INA: variants seen among roughly 807,000 people sequenced by gnomAD.
INA encodes internexin neuronal intermediate filament protein alpha.
A neutral mutation model predicts 40.1 loss-of-function variants in INA; 35 were observed. The observed-to-expected ratio is 0.87, with a 90% CI of 0.67 to 1.16. INA has a LOEUF of 1.16. INA is among the 50% of genes most tolerant of loss of function. The pLI is 0.00. For synonymous variants in INA, 290 were observed against 316.9 expected, an observed-to-expected ratio of 0.92 and a Z score of 0.90; for missense variants, 594 against 686.7, an observed-to-expected ratio of 0.87 and a Z score of 1.51.
chr10:103,278,048 C>T lies in INA; in HGVS notation c.837C>T (p.Asn279=). The change falls in exon 1 of 3, where the codon AAC becomes AAT. Residue 279 remains asparagine (N), a synonymous_variant. Coordinates refer to ENST00000369849, the MANE Select transcript of INA (RefSeq NM_032727.4). The surrounding 1 kb of genome is among the most constrained non-coding windows in gnomAD (Gnocchi z 4.9). Reference sequence around the variant, plus strand: ...AGTATGAGTCCCTGGCCGCTAAGAACCTGCAGTCCGCGGAAGAATGGTACA... The same window carrying T: ...AGTATGAGTCCCTGGCCGCTAAGAATCTGCAGTCCGCGGAAGAATGGTACA... The part of the protein sequence containing the change: ...RAQYESLAAK[N]LQSAEEWYKS... 1 of 1,613,510 alleles carries T rather than the reference C, an allele frequency of 6.2e-7. No individual in the cohort carries two copies. The highest frequency in any genetic ancestry group is 1.1e-5 in the South Asian group (1 of 91,030).
Position 103,288,356 on chromosome 10 carries a change from AC to A in INA, c.1191-3del, listed in dbSNP as rs1213557173. Reference sequence around the variant, plus strand: ...CTAAGAGTTTTTCTCTGTTGAATTTACAGGAAACTGCTGGAAGGCGAGGAGA... The same window carrying A: ...CTAAGAGTTTTTCTCTGTTGAATTTAAGGAAACTGCTGGAAGGCGAGGAGA... On this transcript the variant is annotated splice_polypyrimidine_tract_variant and splice_region_variant and intron_variant, in intron 2 of 2. Coordinates refer to ENST00000369849, the MANE Select transcript of INA (RefSeq NM_032727.4). 2.5e-6 allele frequency: 4 copies of A among 1,587,852 alleles called. No individual in the cohort carries two copies. The Admixed American group carries it at 7.7e-5, about 31-fold the overall frequency.
Position 103,288,767 on chromosome 10 carries a change from A to C in INA, c.*98A>C. 1.3e-6 allele frequency: 1 copy of C among 753,004 alleles called. No homozygotes were observed. 46.6% of individuals were successfully genotyped at this position (753,004 alleles called of 1,614,324 possible). A position where few individuals can be genotyped will look rare whatever the true frequency, so the allele number is the denominator to read the frequency against. Reference sequence around the variant, plus strand: ...GAACTATAACACCTGCCACCACTATAAAATGTCTTCAAGGCTTCAGTCTCA... The same window carrying C: ...GAACTATAACACCTGCCACCACTATCAAATGTCTTCAAGGCTTCAGTCTCA... On this transcript the variant is annotated 3_prime_UTR_variant, in exon 3 of 3. Transcript: ENST00000369849.
At position 103,288,373 on chromosome 10, in the gene INA, G is replaced by A; in HGVS notation, c.1204G>A (p.Gly402Ser). 1 of 1,598,424 alleles carries A rather than the reference G, an allele frequency of 6.3e-7. No individual in the cohort carries two copies. The highest frequency in any genetic ancestry group is 8.5e-7 in the Non-Finnish European group (1 of 1,175,350). The change falls in exon 3 of 3, where the codon GGC (glycine) becomes AGC (serine). Residue 402 changes from glycine to serine, a missense_variant. Gly to Ser is a moderately conservative substitution (Grantham distance 56). This residue lies in a region of INA where 379 missense variants were observed against 496.1 expected (regional missense o/e 0.76). Coordinates refer to ENST00000369849, the MANE Select transcript of INA (RefSeq NM_032727.4). ...EIAAYRKLLE[G>S]EETRFSTSGL... ...TTGAATTTACAGGAAACTGCTGGAA[G>A]GCGAGGAGACACGTTTTAGCACCAG...
Position 103,277,778 on chromosome 10 carries a change from CGAAGGCGCCGAGCGCGCCCT to C in INA, c.576_595del (p.Glu193AlafsTer59), listed in dbSNP as rs2093063367. On this transcript the variant is annotated frameshift_variant, in exon 1 of 3. Coordinates refer to ENST00000369849, the MANE Select transcript of INA (RefSeq NM_032727.4). LOFTEE classifies it high-confidence loss of function. This position sits in a 1 kb window ranked among gnomAD's most constrained non-coding sequence, Gnocchi z 5.6. ...GCTGCGAGGAGGAGAGCCGCGGACG[CGAAGGCGCCGAGCGCGCCCT>C]GAAGGCGCAGCAGCGCGACGTGGAC... 4.0e-6 allele frequency: 6 copies of C among 1,496,378 alleles called. No individual in the cohort carries two copies. In the Admixed American group the frequency reaches 6.7e-5, roughly 17 times the overall value. 92.7% of individuals were successfully genotyped at this position (1,496,378 alleles called of 1,614,324 possible).
chr10:103,282,275 A>C (rs2093074451), intron 1 of INA, among the ~76,000 whole-genome samples: 1 of 152,246 alleles, frequency 6.6e-6, no homozygotes, highest in Admixed American at 6.5e-5. Context: ...GCTGTGAAAC[A>C]AAAATAATGT....
At chr10:103,284,854 T>C (rs1472992629) in intron 1 of INA, among the ~76,000 whole-genome samples, 2 of 152,108 alleles carry the variant, frequency 1.3e-5, no homozygotes, top group Non-Finnish European at 2.9e-5. Flanking sequence ...TTGCACAAGG[T>C]TCCTGCATGG....
chr10:103,281,400 A>G (rs777724812), intron 1 of INA, among the ~76,000 whole-genome samples: 6 of 152,214 alleles, frequency 3.9e-5, no homozygotes, highest in Non-Finnish European at 7.3e-5. Context: ...TCAGCAGTTC[A>G]CAGGTAGGGC....
In INA at chr10:103,288,527, A is replaced by AGGG. The variant is rs2093092216; in HGVS notation, c.1360_1361insGGG (p.Glu453_Glu454insGly). The AGGG allele has an allele frequency of 6.2e-7, 1 of 1,614,070 alleles. No individual in the cohort carries two copies. Among genetic ancestry groups the AGGG allele is most frequent in the African/African-American group, 1.3e-5 (1 of 75,014 alleles). On this transcript the variant is annotated inframe_insertion, in exon 3 of 3. Transcript: ENST00000369849. ...TCACTTAAGAAAGAGGAGGAGGAGG[A>AGGG]GGAGGCATCTAAGGTAGCCTCTAAG...
chr10:103,284,926 A>C (rs2093081912), intron 1 of INA, among the ~76,000 whole-genome samples: 1 of 152,086 alleles, frequency 6.6e-6, no homozygotes, highest in South Asian at 2.1e-4. Flanking sequence ...ATGGATACTT[A>C]AATTGGATGC....
At position 103,277,139 on chromosome 10, in the gene INA, C is replaced by T. The variant is rs1007881360; in HGVS notation, c.-73C>T. ...AAGCCGGGCGCACCGCCCCGCCGCG[C>T]CCTGCCTGCCGCACCTCTCCTTTCT... On this transcript the variant is annotated 5_prime_UTR_variant, in exon 1 of 3. Transcript: ENST00000369849. This position sits in a 1 kb window ranked among gnomAD's most constrained non-coding sequence, Gnocchi z 5.6. The T allele has an allele frequency of 8.3e-5, 121 of 1,464,060 alleles. No homozygotes were observed. The highest frequency in any genetic ancestry group is 1.1e-4 in the Non-Finnish European group (117 of 1,114,118). The allele number at this position is 1,464,060 out of a possible 1,614,324, so 90.7% of individuals were successfully genotyped here.
At chr10:103,280,076 TAAG>T in intron 1 of INA, 1 of 1,231,492 alleles carries the variant, frequency 8.1e-7, no homozygotes, top group Non-Finnish European at 1.0e-6. Context: ...CCATACATTC[TAAG>T]AAGTAGTGAC....
rs756381731 is a variant in INA at position 103,278,190 on chromosome 10, G to T, written c.979G>T (p.Glu327Ter). 1 of 1,608,436 alleles carries T rather than the reference G, an allele frequency of 6.2e-7. No homozygotes were observed. Among genetic ancestry groups the T allele is most frequent in the Admixed American group, 1.7e-5 (1 of 59,208 alleles). ...GCTGCAGGCGCGCACCATCGAGATCGAGGGCCTGCGCGGGGCCAACGAGTC... is the reference window on the plus strand; with the variant it reads ...GCTGCAGGCGCGCACCATCGAGATCTAGGGCCTGCGCGGGGCCAACGAGTC... Reference protein sequence around the residue: ...RQLQARTIEIEGLRGANESLE... With the variant: ...RQLQARTIEI The change falls in exon 1 of 3, where the codon GAG (glutamate) becomes TAG (stop). Residue 327 changes from glutamate to a stop codon, truncating the protein, a stop_gained. Transcript: ENST00000369849. LOFTEE classifies it high-confidence loss of function. The surrounding 1 kb of genome is among the most constrained non-coding windows in gnomAD (Gnocchi z 4.9).
In INA at chr10:103,277,781, A is replaced by C; in HGVS notation, c.570A>C (p.Glu190Asp). ...GCGAGGAGGAGAGCCGCGGACGCGA[A>C]GGCGCCGAGCGCGCCCTGAAGGCGC... ...ARCEEESRGR[E>D]GAERALKAQQ... The change falls in exon 1 of 3, where the codon GAA (glutamate) becomes GAC (aspartate). Residue 190 changes from glutamate (E) to aspartate (D), a missense_variant. Transcript: ENST00000369849. The surrounding 1 kb of genome is among the most constrained non-coding windows in gnomAD (Gnocchi z 5.6). The C allele has an allele frequency of 6.7e-7, 1 of 1,498,410 alleles. No individual in the cohort carries two copies. Among genetic ancestry groups the C allele is most frequent in the Non-Finnish European group, 8.8e-7 (1 of 1,132,478 alleles). The allele number at this position is 1,498,410 out of a possible 1,614,324, so 92.8% of individuals were successfully genotyped here.
chr10:103,287,909 A>G (rs528110770), intron 2 of INA, among the ~76,000 whole-genome samples: 4 of 152,256 alleles, frequency 2.6e-5, no homozygotes, highest in South Asian at 2.1e-4. Flanking sequence ...ACCCGTATAC[A>G]CTGAAAAAGT....
At chr10:103,280,948 T>G (rs2093071289) in intron 1 of INA, 1 of 984,712 alleles carries the variant, frequency 1.0e-6, no homozygotes, top group Non-Finnish European at 1.2e-6. Context: ...ACCTCTACTG[T>G]GGTCAGTCTT....
chr10:103,280,721 T>G, intron 1 of INA: 2 of 985,402 alleles, frequency 2.0e-6, no homozygotes, highest in Non-Finnish European at 2.4e-6. Flanking sequence ...CAATAGTGGA[T>G]GAGAGAGTCT....
Position 103,277,498 on chromosome 10 carries a change from A to G in INA, c.287A>G (p.Glu96Gly). ...AAGATCATCCGCACCAACGAGAAGG[A>G]GCAGCTGCAGGGCCTCAACGACCGC... ...EYKIIRTNEK[E>G]QLQGLNDRFA... Residue 96 changes from glutamate (E) to glycine (G), a missense_variant, in exon 1 of 3, where the codon GAG becomes GGG. Glu to Gly is a moderately conservative substitution (Grantham distance 98, BLOSUM62 -2). Around this residue, in one of 2 missense-constraint regions of INA, gnomAD observed 215 missense variants for 190.6 expected, o/e 1.13. Transcript: ENST00000369849. This position sits in a 1 kb window ranked among gnomAD's most constrained non-coding sequence, Gnocchi z 5.6. 1 of 1,589,506 alleles carries G rather than the reference A, an allele frequency of 6.3e-7. No homozygotes were observed. Among genetic ancestry groups the G allele is most frequent in the Non-Finnish European group, 8.5e-7 (1 of 1,171,242 alleles).
Position 103,277,692 on chromosome 10 carries a change from C to G in INA, c.481C>G (p.Arg161Gly). The G allele has an allele frequency of 7.3e-7, 1 of 1,370,126 alleles. No individual in the cohort carries two copies. The allele number at this position is 1,370,126 out of a possible 1,614,324, so 84.9% of individuals were successfully genotyped here. The change falls in exon 1 of 3, where the codon CGC becomes GGC. Residue 161 changes from arginine (R) to glycine (G), a missense_variant. By Grantham distance (125) the Arg-to-Gly change is moderately radical. This residue lies in a region of INA where 379 missense variants were observed against 496.1 expected (regional missense o/e 0.76). Coordinates refer to ENST00000369849, the MANE Select transcript of INA (RefSeq NM_032727.4). This position sits in a 1 kb window ranked among gnomAD's most constrained non-coding sequence, Gnocchi z 5.6. ...GCAGCTGGAGGAGGCCAGCTCGGCT[C>G]GCTCGCAGGCCCTGCTGGAGCGCGA... ...RAQLEEASSA[R>G]SQALLERDGL...
rs190199473 is a variant in INA at position 103,287,243 on chromosome 10, C to T, written c.1190+84C>T. On this transcript the variant is annotated intron_variant, in intron 2 of 2. Coordinates refer to ENST00000369849, the MANE Select transcript of INA (RefSeq NM_032727.4). ...AAATAAGTGGATCTAGTCTCTCTGG[C>T]TTCTGACTGGTGAGGGAGGGAAGAA... 2.1e-6 allele frequency: 3 copies of T among 1,456,572 alleles called. No homozygotes were observed. The African/African-American group carries it at 4.2e-5, about 20-fold the overall frequency. 90.2% of individuals were successfully genotyped at this position (1,456,572 alleles called of 1,614,324 possible).
Sources: gnomAD v4.1 joint callset for allele counts (sites outside exome capture counted in the v4.1 genomes callset) on GRCh38, gnomAD v4.1.1 for gene constraint, gnomAD v4.1.1 regional missense constraint, Gnocchi (gnomAD v3.1) non-coding constraint, MANE v1.5 for transcripts, NCBI Gene and HGNC (gene_info 2026-07-23, HGNC 2026-07-21) for gene names.